Variants in FRMPD4 observed in about 807,000 individuals in gnomAD.
FRMPD4 encodes the protein FERM and PDZ domain-containing protein 4.
FRMPD4 carries 22 observed loss-of-function variants against 94.1 expected under a neutral mutation model. The observed-to-expected ratio is 0.23, with a 90% CI of 0.17 to 0.33. FRMPD4 has a LOEUF of 0.33. Among genes scored for constraint, FRMPD4 ranks in the 10% least tolerant of loss-of-function variants. FRMPD4 has a pLI of 1.00. For missense variants in FRMPD4, 1,111 were observed against 1,339.9 expected, an observed-to-expected ratio of 0.83 and a Z score of 2.67; for synonymous variants, 631 against 548.6, an observed-to-expected ratio of 1.15 and a Z score of -2.10.
chrX:12,210,640 C>T (rs755160814), intron 1 of FRMPD4, among the ~76,000 whole-genome samples: 2 of 110,505 alleles, frequency 1.8e-5, no homozygotes, highest in Non-Finnish European at 3.8e-5. Flanking sequence ...AGTAGCTTGG[C>T]GGTGCTCCCA....
At chrX:12,370,065 A>G (rs2056142196) in intron 1 of FRMPD4, among the ~76,000 whole-genome samples, 1 of 112,087 alleles carries the variant, frequency 8.9e-6, no homozygotes, top group Non-Finnish European at 1.9e-5. Context: ...TTCATTTATC[A>G]TAATTTTCCA....
At chrX:11,893,369 C>G (rs932886118) in intron 3 of FRMPD4, among the ~76,000 whole-genome samples, 1 of 112,044 alleles carries the variant, frequency 8.9e-6, no homozygotes, top group Admixed American at 9.5e-5. Flanking sequence ...AGAACTCCTT[C>G]CTGTAGAGAC....
chrX:11,897,131 A>G lies in FRMPD4; in HGVS notation c.95+19113A>G, dbSNP rs1230642395. The stretch of plus-strand genomic sequence containing the variant: ...CCAAATTCCTAATTTAAAATCTGGT[A>G]TGGAACATGGATGAATTACAAAAAA... On this transcript the variant is annotated intron_variant, in intron 3 of 18. Transcript: ENST00000640291. 1.5e-4 allele frequency among the ~76,000 whole-genome samples: 16 copies of G among 105,854 alleles called. No individual in the cohort carries two copies. In the Admixed American group the frequency reaches 1.6e-3, roughly 11 times the overall value. 91.9% of individuals were successfully genotyped at this position (105,854 alleles called of 115,157 possible).
At chrX:11,971,876 G>A (rs1216205637) in intron 3 of FRMPD4, among the ~76,000 whole-genome samples, 4 of 112,367 alleles carry the variant, frequency 3.6e-5, no homozygotes, top group African/African-American at 1.3e-4. Context: ...TTACAAATAT[G>A]CCTCTTACAA....
chrX:12,356,562 G>A (rs2055898742), intron 1 of FRMPD4, among the ~76,000 whole-genome samples: 2 of 111,220 alleles, frequency 1.8e-5, no homozygotes, highest in Admixed American at 1.9e-4. Flanking sequence ...GGGACTCCAG[G>A]GAGCAATCTC....
chrX:12,128,903 G>A (rs1465120229), intron 3 of FRMPD4, among the ~76,000 whole-genome samples: 11 of 111,815 alleles, frequency 9.8e-5, no homozygotes, highest in African/African-American at 2.6e-4. Context: ...AGCAAGAGTC[G>A]CCTTTATTCC....
At chrX:12,459,441 T>C (rs941851145) in intron 1 of FRMPD4, among the ~76,000 whole-genome samples, 7 of 111,265 alleles carry the variant, frequency 6.3e-5, no homozygotes, top group African/African-American at 2.0e-4. Context: ...CATCTACCCA[T>C]AGTTTCCTCA....
At chrX:11,898,105 C>T (rs1053135019) in intron 3 of FRMPD4, among the ~76,000 whole-genome samples, 6 of 111,490 alleles carry the variant, frequency 5.4e-5, no homozygotes, top group African/African-American at 3.3e-5. Context: ...GGAAGAGGTC[C>T]TCATGACTGA....
rs116414109 is a variant in FRMPD4, at chrX:12,642,367, G to A, written c.422+27486G>A. Among the ~76,000 whole-genome samples, 511 of 111,995 alleles carry A rather than the reference G, an allele frequency of 4.6e-3. 4 individuals carry two copies. The highest frequency in any genetic ancestry group is 0.016 in the African/African-American group (497 of 30,825). On this transcript the variant is annotated intron_variant, in intron 4 of 16. Coordinates refer to ENST00000675598, the MANE Select transcript of FRMPD4 (RefSeq NM_001368397.1). ...GAAAGTGACATTTAGGTTGAGACCC[G>A]GACGATGGGAAAAGCTAACCAGGCA...
At chrX:12,022,173 A>G (rs1005094370) in intron 3 of FRMPD4, among the ~76,000 whole-genome samples, 2 of 112,672 alleles carry the variant, frequency 1.8e-5, no homozygotes, top group African/African-American at 6.5e-5. Context: ...GTATGTTTAA[A>G]TGAAAAAAAT....
chrX:11,882,701 A>G (rs944015027), intron 3 of FRMPD4, among the ~76,000 whole-genome samples: 2 of 112,053 alleles, frequency 1.8e-5, no homozygotes, highest in Non-Finnish European at 3.8e-5. Context: ...GATATTATGT[A>G]TATGTAAATA....
intron 3 of FRMPD4, among the ~76,000 whole-genome samples, chrX:12,004,411 C>A (rs749505537): frequency 1.8e-5 from 2 of 111,716 alleles, no homozygotes; most frequent in South Asian, 3.8e-4. Context: ...TCTGTATCAC[C>A]ACATCTAATC....
chrX:12,172,428 T>A (rs1481252732), intron 1 of FRMPD4, among the ~76,000 whole-genome samples: 2 of 111,627 alleles, frequency 1.8e-5, no homozygotes, highest in African/African-American at 6.5e-5. Context: ...CTTCCCTAAG[T>A]ACCTTATATC....
intron 2 of FRMPD4, among the ~76,000 whole-genome samples, chrX:12,518,103 G>A (rs915289016): frequency 1.8e-5 from 2 of 111,884 alleles, no homozygotes; most frequent in African/African-American, 3.3e-5. Flanking sequence ...CCCCCTGGGA[G>A]GTCAGTCATC....
chrX:12,543,788 G>A (rs977265246), intron 2 of FRMPD4, among the ~76,000 whole-genome samples: 2 of 109,223 alleles, frequency 1.8e-5, no homozygotes, highest in African/African-American at 6.7e-5. Flanking sequence ...ACATGCACAC[G>A]TATGTTTATT....
At chrX:12,315,436 A>G (rs2055099791) in intron 1 of FRMPD4, among the ~76,000 whole-genome samples, 1 of 112,269 alleles carries the variant, frequency 8.9e-6, no homozygotes, top group Non-Finnish European at 1.9e-5. Flanking sequence ...GAAAGGACAC[A>G]TTCCTGTGTC....
chrX:12,468,935 A>T (rs2407852), intron 1 of FRMPD4, among the ~76,000 whole-genome samples: 49,165 of 111,295 alleles, frequency 0.44, 8,480 homozygotes, highest in South Asian at 0.67. Flanking sequence ...GAGCATGATC[A>T]AATTTAAGTT....
At chrX:12,261,385 G>C (rs1353387945) in intron 1 of FRMPD4, among the ~76,000 whole-genome samples, 1 of 111,911 alleles carries the variant, frequency 8.9e-6, no homozygotes, top group Non-Finnish European at 1.9e-5. Context: ...ACAATGTTTT[G>C]ATGCTTCCTG....
chrX:12,694,276 C>T (rs982229516), intron 8 of FRMPD4, 59 bp from the exon 9 acceptor site: 38 of 1,058,700 alleles, frequency 3.6e-5, no homozygotes, highest in Non-Finnish European at 5.0e-5. Context: ...CTTCAGTGTC[C>T]CTCAGCCATT....
Sources: allele counts gnomAD v4.1 joint callset (sites outside exome capture counted in the v4.1 genomes callset), GRCh38; gene constraint gnomAD v4.1.1; transcripts MANE v1.5; gene names NCBI Gene and HGNC (gene_info 2026-07-23, HGNC 2026-07-21).